The following ZNF423 variants were observed in gnomAD, a reference collection of about 807,000 sequenced individuals.
ZNF423 encodes the protein zinc finger protein 423.
A neutral mutation model predicts 95.8 loss-of-function variants in ZNF423; 12 were observed. The ratio of observed to expected loss-of-function variants is 0.13; its 90% CI spans 0.08 to 0.20. The LOEUF (loss-of-function observed/expected upper bound fraction) is 0.20, where lower values mean the gene tolerates loss of function less well. Among genes scored for constraint, ZNF423 ranks in the 10% least tolerant of loss-of-function variants. ZNF423 has a pLI of 1.00. For synonymous variants in ZNF423, 749 were observed against 711.9 expected, an observed-to-expected ratio of 1.05 and a Z score of -0.83; for missense variants, 1,316 against 1,737.1, an observed-to-expected ratio of 0.76 and a Z score of 4.31.
chr16:49,529,077 C>T (rs1485105499), intron 5 of ZNF423, among the ~76,000 whole-genome samples: 1 of 151,740 alleles, frequency 6.6e-6, no homozygotes, highest in East Asian at 1.9e-4. Context: ...AGCGTGGGGA[C>T]TGGAGGATTT....
At chr16:49,811,258 C>T (rs1433190444) in intron 1 of ZNF423, among the ~76,000 whole-genome samples, 1 of 152,086 alleles carries the variant, frequency 6.6e-6, no homozygotes, top group Non-Finnish European at 1.5e-5. Context: ...GTGAGGCTCC[C>T]GGCATGGGAG....
rs71380366 is a variant in ZNF423, at chr16:49,646,574, CT to C, written c.302-7701del. Among the ~76,000 whole-genome samples the C allele has an allele frequency of 2.7e-3, 321 of 117,910 alleles. 10 individuals are homozygous for C. The highest frequency in any genetic ancestry group is 5.8e-3 in the African/African-American group (194 of 33,610). 77.4% of individuals were successfully genotyped at this position (117,910 alleles called of 152,430 possible). A position where few individuals can be genotyped will look rare whatever the true frequency, so the allele number is the denominator to read the frequency against. Reference sequence around the variant, plus strand: ...TTATGGCACATTTTCTTTTCTTTTTCTTTTTTTTTTTTTTGAGAAGGAGTCT... The same window carrying C: ...TTATGGCACATTTTCTTTTCTTTTTCTTTTTTTTTTTTTGAGAAGGAGTCT... On this transcript the variant is annotated intron_variant, in intron 3 of 7. Transcript: ENST00000563137.
intron 3 of ZNF423, among the ~76,000 whole-genome samples, chr16:49,668,864 TCC>T (rs2030668016): frequency 6.6e-6 from 1 of 152,072 alleles, no homozygotes; most frequent in South Asian, 2.1e-4. Context: ...ACAAGTGACC[TCC>T]CCTCTCTGAG....
chr16:49,811,096 C>T (rs1293038653), intron 1 of ZNF423, among the ~76,000 whole-genome samples: 1 of 152,154 alleles, frequency 6.6e-6, no homozygotes, highest in Non-Finnish European at 1.5e-5. Context: ...AGACAGACTG[C>T]GCTGGCTGTG....
intron 1 of ZNF423, among the ~76,000 whole-genome samples, chr16:49,811,621 G>C (rs1432466700): frequency 6.6e-6 from 1 of 152,154 alleles, no homozygotes; most frequent in Non-Finnish European, 1.5e-5. Context: ...GGAGCTCACA[G>C]GGCAAACGAG....
chr16:49,637,331 C>T lies in ZNF423; in HGVS notation c.1845G>A (p.Ser615=), dbSNP rs61755181. 85 of 1,614,070 alleles carry T rather than the reference C, an allele frequency of 5.3e-5. No homozygotes were observed. Among genetic ancestry groups the T allele is most frequent in the Middle Eastern group, 3.3e-4 (2 of 6,084 alleles). The change falls in exon 4 of 8, where the codon TCG becomes TCA. Residue 615 remains serine (S), a synonymous_variant. Transcript: ENST00000563137. This position sits in a 1 kb window ranked among gnomAD's most constrained non-coding sequence, Gnocchi z 5.6. ...TCGGGGAAGACACCTCCACATCGGA[C>T]GAGACTGGGCTCTGCTCGGCCTTGG... is the stretch of plus-strand genomic sequence containing the variant. ...KKSKAEQSPV[S]SDVEVSSPKR... is the part of the protein sequence containing the mutation.
intron 4 of ZNF423, among the ~76,000 whole-genome samples, chr16:49,634,537 A>C (rs1596753023): frequency 6.9e-6 from 1 of 145,450 alleles, no homozygotes; most frequent in African/African-American, 2.6e-5. Context: ...TGCCCTCCTC[A>C]CCCCCTCAAA....
chr16:49,806,864 TA>T (rs748416458), intron 1 of ZNF423, among the ~76,000 whole-genome samples: 2 of 151,666 alleles, frequency 1.3e-5, no homozygotes, highest in Admixed American at 1.3e-4. Context: ...CCGTCTCTAC[TA>T]AAAATACAAA....
At chr16:49,584,359 G>A (rs924010334) in intron 5 of ZNF423, among the ~76,000 whole-genome samples, 2 of 152,184 alleles carry the variant, frequency 1.3e-5, no homozygotes, top group Non-Finnish European at 2.9e-5. Flanking sequence ...CCTACGCTTA[G>A]GGCATCCTGT....
At chr16:49,675,508 G>A (rs1020430868) in intron 3 of ZNF423, among the ~76,000 whole-genome samples, 6 of 151,996 alleles carry the variant, frequency 3.9e-5, no homozygotes, top group African/African-American at 7.3e-5. Context: ...AATTGGGCAC[G>A]TTAAAACTCA....
chr16:49,543,017 G>T (rs777880451), intron 5 of ZNF423, among the ~76,000 whole-genome samples: 1 of 152,140 alleles, frequency 6.6e-6, no homozygotes, highest in Non-Finnish European at 1.5e-5. Flanking sequence ...AGCTTCCAAA[G>T]AGACAGCAGA....
At chr16:49,602,840 C>G (rs1010644717) in intron 5 of ZNF423, among the ~76,000 whole-genome samples, 12 of 152,188 alleles carry the variant, frequency 7.9e-5, no homozygotes, top group African/African-American at 2.7e-4. Context: ...CTCATTCCCT[C>G]GGTGGCCCCG....
chr16:49,700,212 A>ACAAG (rs58879382), intron 3 of ZNF423, among the ~76,000 whole-genome samples: 12 of 129,404 alleles, frequency 9.3e-5, no homozygotes, highest in Non-Finnish European at 1.1e-4. Context: ...AAAAAAAAAA[A>ACAAG]AAAAACAAGA....
At chr16:49,671,216 C>T (rs1301607239) in intron 3 of ZNF423, among the ~76,000 whole-genome samples, 1 of 152,188 alleles carries the variant, frequency 6.6e-6, no homozygotes, top group Non-Finnish European at 1.5e-5. Flanking sequence ...CTTGGCAGTG[C>T]CCTCCAACAC....
rs61747467 is a variant in ZNF423, at chr16:49,637,982, C to T, written c.1194G>A (p.Pro398=). 1,526 of 1,614,104 alleles carry T rather than the reference C, an allele frequency of 9.5e-4. 9 individuals carry two copies. In the African/African-American group the frequency reaches 0.018, roughly 19 times the overall value. The change falls in exon 4 of 8, where the codon CCG becomes CCA. Residue 398 remains proline (P), a synonymous_variant. Coordinates refer to ENST00000563137, the MANE Select transcript of ZNF423 (RefSeq NM_001379286.1). This position sits in a 1 kb window ranked among gnomAD's most constrained non-coding sequence, Gnocchi z 5.6. The stretch of plus-strand genomic sequence containing the variant: ...CCCGCATCTTCTTCTGCCCCCGCAG[C>T]GGCTTCAAGGTGGAGTCCGGGGTGG... ...RGSTPDSTLK[P]LRGQKKMRDD...
At chr16:49,621,230 G>C (rs549079520) in intron 5 of ZNF423, among the ~76,000 whole-genome samples, 22 of 152,318 alleles carry the variant, frequency 1.4e-4, no homozygotes, top group African/African-American at 5.1e-4. Flanking sequence ...GTGCCTTCTG[G>C]GGGAGGAAGT....
chr16:49,639,431 G>C (rs1265141627), intron 3 of ZNF423, among the ~76,000 whole-genome samples: 13 of 152,210 alleles, frequency 8.5e-5, no homozygotes, highest in Admixed American at 6.5e-4. Context: ...TGGACTGATG[G>C]AGCTGGAAGC....
intron 2 of ZNF423, among the ~76,000 whole-genome samples, chr16:49,783,077 T>C (rs974378050): frequency 8.6e-5 from 13 of 151,738 alleles, no homozygotes; most frequent in Admixed American, 3.3e-4. Context: ...CCCCACATCA[T>C]AGACCTCAGG....
intron 2 of ZNF423, among the ~76,000 whole-genome samples, chr16:49,749,207 G>C (rs1424874858): frequency 6.6e-6 from 1 of 152,114 alleles, no homozygotes; most frequent in Non-Finnish European, 1.5e-5. Flanking sequence ...GCTATGCCAG[G>C]AGCAGGAGTG....
Sources: gnomAD v4.1 joint callset for allele counts (sites outside exome capture counted in the v4.1 genomes callset) on GRCh38, gnomAD v4.1.1 for gene constraint, Gnocchi (gnomAD v3.1) non-coding constraint, MANE v1.5 for transcripts, NCBI Gene and HGNC (gene_info 2026-07-23, HGNC 2026-07-21) for gene names.